The following SLC20A1 variants were observed in gnomAD, a reference collection of about 807,000 sequenced individuals.
SLC20A1 encodes solute carrier family 20 member 1.
A neutral mutation model predicts 62.7 loss-of-function variants in SLC20A1; 28 were observed. That is an observed-to-expected ratio of 0.45 (90% CI 0.33 to 0.61). SLC20A1 has a LOEUF of 0.61. SLC20A1 is among the 20% of genes least tolerant of loss of function. The pLI is 0.02. For synonymous variants in SLC20A1, 305 were observed against 302.9 expected (o/e 1.01, Z -0.07); for missense variants, 673 against 838.6 (o/e 0.80, Z 2.44).
chr2:112,658,766 G>A lies in SLC20A1; in HGVS notation c.779-59G>A, dbSNP rs1036053384. The A allele has an allele frequency of 1.2e-5, 18 of 1,514,308 alleles. No individual in the cohort carries two copies. In the Admixed American group the frequency reaches 2.4e-4, roughly 21 times the overall value. The allele number at this position is 1,514,308 out of a possible 1,614,324, so 93.8% of individuals were successfully genotyped here. On this transcript the variant is annotated intron_variant, in intron 6 of 10. Coordinates refer to ENST00000272542, the MANE Select transcript of SLC20A1 (RefSeq NM_005415.5). ...TTTTTGGGGGTGGAGGAAAGGAGACGTGGAACAAAGTAGTATGGCCACAAC... is the reference window on the plus strand; with the variant it reads ...TTTTTGGGGGTGGAGGAAAGGAGACATGGAACAAAGTAGTATGGCCACAAC...
intron 5 of SLC20A1, among the ~76,000 whole-genome samples, chr2:112,655,681 G>T (rs1267876315): frequency 6.6e-6 from 1 of 152,064 alleles, no homozygotes; most frequent in African/African-American, 2.4e-5. Flanking sequence ...AAATAGGATT[G>T]TATAGTGCTT....
At chr2:112,662,470 C>T (rs1371154263) in intron 10 of SLC20A1, among the ~76,000 whole-genome samples, 4 of 150,052 alleles carry the variant, frequency 2.7e-5, no homozygotes, top group Non-Finnish European at 3.0e-5. Context: ...AATCCCAGCA[C>T]TTGGGAGGCT....
intron 8 of SLC20A1, among the ~76,000 whole-genome samples, chr2:112,659,970 GATAAAT>G (rs1465909540): frequency 6.6e-6 from 1 of 152,184 alleles, no homozygotes; most frequent in East Asian, 1.9e-4. Flanking sequence ...TTTTGTAGAT[GATAAAT>G]ATAAACAGAT....
intron 4 of SLC20A1, among the ~76,000 whole-genome samples, chr2:112,648,101 G>A (rs1686335353): frequency 6.6e-6 from 1 of 152,116 alleles, no homozygotes; most frequent in South Asian, 2.1e-4. Flanking sequence ...GTTCAAGACA[G>A]TGTCCCCTGT....
chr2:112,651,628 G>A (rs867734173), intron 4 of SLC20A1, among the ~76,000 whole-genome samples: 6 of 151,978 alleles, frequency 3.9e-5, no homozygotes, highest in Admixed American at 2.6e-4. Context: ...GGATGGTCTC[G>A]ATCTCCTGAC....
rs557776032 is a variant in SLC20A1 at position 112,648,396 on chromosome 2, A to G, written c.561+658A>G. Among the ~76,000 whole-genome samples, 19 of 152,334 alleles carry G rather than the reference A, an allele frequency of 1.2e-4. No homozygotes were observed. The East Asian group carries it at 2.3e-3, about 19-fold the overall frequency. ...GCTGCAAAATAAATGTTGACAAGGG[A>G]TTATGTTGGCATAGGACTGAGTTAC... On this transcript the variant is annotated intron_variant, in intron 4 of 10. Coordinates refer to ENST00000272542, the MANE Select transcript of SLC20A1 (RefSeq NM_005415.5).
Position 112,658,837 on chromosome 2 carries a change from G to A in SLC20A1, c.791G>A (p.Cys264Tyr). The change falls in exon 7 of 11, where the codon TGT becomes TAT. Residue 264 changes from cysteine (C) to tyrosine (Y), a missense_variant. Transcript: ENST00000272542. ...MKRKIEREIK[C>Y]SPSESPLMEK... Reference sequence around the variant, plus strand: ...TTTTTTTTCCTAGGAGAAATAAAGTGTAGTCCTTCTGAAAGCCCCTTAATG... The same window carrying A: ...TTTTTTTTCCTAGGAGAAATAAAGTATAGTCCTTCTGAAAGCCCCTTAATG... 1.2e-6 allele frequency: 2 copies of A among 1,610,658 alleles called. No individual in the cohort carries two copies. The highest frequency in any genetic ancestry group is 1.7e-6 in the Non-Finnish European group (2 of 1,178,264).
At chr2:112,655,055 A>G (rs111451931) in intron 5 of SLC20A1, among the ~76,000 whole-genome samples, 3 of 142,042 alleles carry the variant, frequency 2.1e-5, no homozygotes, top group Non-Finnish European at 4.5e-5. Flanking sequence ...TGCAACCACT[A>G]CCTCCCGGGT....
At position 112,659,052 on chromosome 2, in the gene SLC20A1, G is replaced by C; in HGVS notation, c.1006G>C (p.Val336Leu). The C allele has an allele frequency of 1.9e-6, 3 of 1,614,164 alleles. No homozygotes were observed. The highest frequency in any genetic ancestry group is 2.5e-6 in the Non-Finnish European group (3 of 1,180,034). The stretch of plus-strand genomic sequence containing the variant: ...TCCAGAGAGAGAGAGGCTTCCCAGC[G>C]TGGACTTGAAAGAGGAAACCAGCAT... The part of the protein sequence containing the change: ...EAPERERLPS[V>L]DLKEETSIDS... Residue 336 changes from valine to leucine, a missense_variant, in exon 7 of 11, where the codon GTG becomes CTG. Physicochemically the swap from Val to Leu is conservative, Grantham distance 32. Coordinates refer to ENST00000272542, the MANE Select transcript of SLC20A1 (RefSeq NM_005415.5).
chr2:112,652,744 T>C lies in SLC20A1; in HGVS notation c.604T>C (p.Tyr202His). 1 of 1,614,224 alleles carries C rather than the reference T, an allele frequency of 6.2e-7. No individual in the cohort carries two copies. The highest frequency in any genetic ancestry group is 1.3e-5 in the African/African-American group (1 of 75,074). ...PNGLRALPVF[Y>H]ACTVGINLFS... is the part of the protein sequence containing the mutation. ...TGGTTTGCGAGCTTTGCCAGTTTTC[T>C]ATGCCTGCACAGTTGGAATAAACCT... Residue 202 changes from tyrosine to histidine, a missense_variant, in exon 5 of 11, where the codon TAT becomes CAT. Tyr to His is a moderately conservative substitution (Grantham distance 83). Transcript: ENST00000272542.
Position 112,662,847 on chromosome 2 carries a change from G to T in SLC20A1, c.1879-17G>T. 1.2e-6 allele frequency: 2 copies of T among 1,612,224 alleles called. No homozygotes were observed. Among genetic ancestry groups the T allele is most frequent in the African/African-American group, 2.7e-5 (2 of 74,700 alleles). On this transcript the variant is annotated splice_polypyrimidine_tract_variant and intron_variant, in intron 10 of 10. Coordinates refer to ENST00000272542, the MANE Select transcript of SLC20A1 (RefSeq NM_005415.5). The stretch of plus-strand genomic sequence containing the variant: ...GGCACTTCAATAACCTGTTTCCTTG[G>T]TCTGCTTCTCTTCTAGGTGGGCTCT...
chr2:112,647,276 C>T (rs1250556088), intron 2 of SLC20A1, 48 bp from the exon 3 acceptor site: 6 of 1,599,280 alleles, frequency 3.8e-6, no homozygotes, highest in Middle Eastern at 1.7e-4. Context: ...GTGCCACTTA[C>T]ATAATGGAAT....
At chr2:112,662,485 C>T (rs1031834269) in intron 10 of SLC20A1, among the ~76,000 whole-genome samples, 3 of 152,138 alleles carry the variant, frequency 2.0e-5, no homozygotes, top group African/African-American at 7.2e-5. Flanking sequence ...GAGGCTGAGG[C>T]AGGAGAATCA....
intron 6 of SLC20A1, among the ~76,000 whole-genome samples, chr2:112,657,786 G>C (rs1455739152): frequency 6.6e-6 from 1 of 152,210 alleles, no homozygotes; most frequent in Admixed American, 6.5e-5. Flanking sequence ...AACACACATT[G>C]TGTGTCTGCT....
intron 4 of SLC20A1, among the ~76,000 whole-genome samples, chr2:112,649,704 T>C (rs1423600315): frequency 6.6e-6 from 1 of 152,226 alleles, no homozygotes; most frequent in African/African-American, 2.4e-5. Context: ...ACAGAAGGAA[T>C]ATGCTTCAGT....
chr2:112,650,502 T>C (rs1400705345), intron 4 of SLC20A1, among the ~76,000 whole-genome samples: 2 of 151,852 alleles, frequency 1.3e-5, no homozygotes, highest in African/African-American at 4.8e-5. Context: ...CTAGTATTTT[T>C]GTATTTTTGG....
At chr2:112,658,804 G>T (rs1558694485) in intron 6 of SLC20A1, 21 bp from the exon 7 acceptor site, 1 of 1,579,740 alleles carries the variant, frequency 6.3e-7, no homozygotes. Context: ...AACCAAAAAA[G>T]ACCCCCCTTT....
chr2:112,659,847 C>A, intron 8 of SLC20A1, 85 bp downstream of exon 8: 1 of 1,207,718 alleles, frequency 8.3e-7, no homozygotes, highest in Non-Finnish European at 1.2e-6. Context: ...GGTAGTGGTA[C>A]TCCTAGCATT....
intron 5 of SLC20A1, 97 bp from the exon 6 acceptor site, chr2:112,657,025 G>C (rs200081005): frequency 2.1e-4 from 292 of 1,410,560 alleles, no homozygotes; most frequent in Non-Finnish European, 2.1e-4. Flanking sequence ...GTGATGGGCT[G>C]GTATGGGGAA....
Sources: allele counts gnomAD v4.1 joint callset (sites outside exome capture counted in the v4.1 genomes callset), GRCh38; gene constraint gnomAD v4.1.1; transcripts MANE v1.5; gene names NCBI Gene and HGNC (gene_info 2026-07-23, HGNC 2026-07-21).